The following VGLL4 variants were observed in gnomAD, a reference collection of about 807,000 sequenced individuals.
VGLL4 encodes the protein transcription cofactor vestigial-like protein 4.
Under a neutral mutation model 21.0 loss-of-function variants are expected in VGLL4, and 7 were observed. That is an observed-to-expected ratio of 0.33 (90% CI 0.19 to 0.63). The LOEUF (loss-of-function observed/expected upper bound fraction) is 0.63, where lower values mean the gene tolerates loss of function less well. Ranked by LOEUF, VGLL4 falls within the 20% of genes least tolerant of loss-of-function variation. The pLI is 0.78. For missense variants in VGLL4, 394 were observed against 425.7 expected (o/e 0.93, Z 0.66); for synonymous variants, 222 against 173.2 (o/e 1.28, Z -2.21).
chr3:11,645,007 A>C (rs1391966321), upstream of VGLL4, among the ~76,000 whole-genome samples: 1 of 152,012 alleles, frequency 6.6e-6, no homozygotes, highest in East Asian at 1.9e-4. Context: ...TATGTCACCC[A>C]CCTGTGTGTA....
chr3:11,588,565 G>A lies in VGLL4; in HGVS notation c.272+13268C>T, dbSNP rs566468799. ...CTTCAGAAACCACCTTCTGACACTC[G>A]AGCACCAGTAAGACCAGCCAGGAGG... On this transcript the variant is annotated intron_variant, in intron 2 of 4. Transcript: ENST00000430365. Among the ~76,000 whole-genome samples the A allele has an allele frequency of 1.2e-4, 18 of 152,320 alleles. No homozygotes were observed. In the East Asian group the frequency reaches 2.9e-3, roughly 24 times the overall value.
chr3:11,582,911 G>A (rs58772119), intron 2 of VGLL4, among the ~76,000 whole-genome samples: 1,974 of 152,242 alleles, frequency 0.013, 44 homozygotes, highest in African/African-American at 0.044. Flanking sequence ...TTTCTCTTAG[G>A]ACTCAGGCTG....
intron 2 of VGLL4, among the ~76,000 whole-genome samples, chr3:11,596,444 G>C (rs1347815543): frequency 2.0e-5 from 3 of 152,196 alleles, no homozygotes; most frequent in Non-Finnish European, 2.9e-5. Flanking sequence ...GAAACTACCT[G>C]AAGTGCACTG....
At position 11,592,565 on chromosome 3, in the gene VGLL4, G is replaced by T. The variant is rs1228444048; in HGVS notation, c.272+9268C>A. Among the ~76,000 whole-genome samples the T allele has an allele frequency of 3.3e-5, 5 of 152,334 alleles. No individual in the cohort carries two copies. In the East Asian group the frequency reaches 9.6e-4, roughly 29 times the overall value. On this transcript the variant is annotated intron_variant, in intron 2 of 4. Coordinates refer to ENST00000430365, the MANE Select transcript of VGLL4 (RefSeq NM_001128219.3). Reference sequence around the variant, plus strand: ...CCCCACCTCCCAAATATCCTCAGTAGTGTGTGGTTTGAGAGTGCTTAGGCT... The same window carrying T: ...CCCCACCTCCCAAATATCCTCAGTATTGTGTGGTTTGAGAGTGCTTAGGCT...
At chr3:11,566,147 C>T (rs2073487407) in intron 2 of VGLL4, among the ~76,000 whole-genome samples, 1 of 152,200 alleles carries the variant, frequency 6.6e-6, no homozygotes, top group Non-Finnish European at 1.5e-5. Context: ...GAATATGTTA[C>T]ACACACAATG....
At chr3:11,641,376 T>C (rs139823848) in intron 1 of VGLL4, among the ~76,000 whole-genome samples, 3 of 152,318 alleles carry the variant, frequency 2.0e-5, no homozygotes, top group Non-Finnish European at 4.4e-5. Context: ...CCTGGAATGC[T>C]GGGGAGCTGA....
intron 1 of VGLL4, among the ~76,000 whole-genome samples, chr3:11,624,539 T>C (rs993129884): frequency 2.0e-5 from 3 of 152,182 alleles, no homozygotes; most frequent in Admixed American, 6.5e-5. Context: ...TTTTTTTTAA[T>C]GTTTGCCTCT....
At chr3:11,660,087 G>A (rs576129366) in intron 2 of VGLL4, among the ~76,000 whole-genome samples, 2 of 152,032 alleles carry the variant, frequency 1.3e-5, no homozygotes, top group African/African-American at 2.4e-5. Flanking sequence ...GTGTGAACCC[G>A]GGAGGCGGAG....
At chr3:11,672,785 T>C (rs2076235487) in intron 2 of VGLL4, among the ~76,000 whole-genome samples, 1 of 152,220 alleles carries the variant, frequency 6.6e-6, no homozygotes, top group Non-Finnish European at 1.5e-5. Flanking sequence ...ACTTATGCAT[T>C]TTCTAATAAT....
intron 1 of VGLL4, among the ~76,000 whole-genome samples, chr3:11,606,481 T>C (rs1178042430): frequency 6.6e-6 from 1 of 152,186 alleles, no homozygotes; most frequent in Middle Eastern, 3.2e-3. Flanking sequence ...GCTGGTAGAA[T>C]TGTAAAGTGG....
chr3:11,591,594 T>A (rs2074497752), intron 2 of VGLL4, among the ~76,000 whole-genome samples: 2 of 152,232 alleles, frequency 1.3e-5, no homozygotes, highest in Admixed American at 6.5e-5. Context: ...AGGCCTTTGT[T>A]TTCAGCTCAA....
intron 2 of VGLL4, among the ~76,000 whole-genome samples, chr3:11,594,684 T>C (rs902853827): frequency 2.6e-5 from 4 of 152,226 alleles, no homozygotes; most frequent in African/African-American, 9.6e-5. Flanking sequence ...ACACAAGATA[T>C]TAAAATGCAC....
At chr3:11,692,614 G>A (rs1311275916) in intron 2 of VGLL4, among the ~76,000 whole-genome samples, 4 of 152,038 alleles carry the variant, frequency 2.6e-5, no homozygotes, top group East Asian at 1.9e-4. Flanking sequence ...TGAAGCACTC[G>A]ACTGTCCACA....
intron 2 of VGLL4, among the ~76,000 whole-genome samples, chr3:11,567,296 C>T (rs1236167966): frequency 6.6e-6 from 1 of 152,114 alleles, no homozygotes; most frequent in Non-Finnish European, 1.5e-5. Context: ...CCTCAGTGAG[C>T]GCCAAGAGAA....
intron 1 of VGLL4, among the ~76,000 whole-genome samples, chr3:11,605,438 T>G (rs1433182464): frequency 1.3e-5 from 2 of 151,798 alleles, no homozygotes; most frequent in Non-Finnish European, 2.9e-5. Context: ...CTCATTTTTA[T>G]TCCTAGTATT....
chr3:11,627,539 G>A (rs147343755), intron 1 of VGLL4: 140 of 147,670 alleles, frequency 9.5e-4, no homozygotes, highest in African/African-American at 3.5e-3. Context: ...AGGTTCCAGT[G>A]AGCCAAGATC....
intron 2 of VGLL4, among the ~76,000 whole-genome samples, chr3:11,570,240 A>G (rs975232589): frequency 2.0e-5 from 3 of 151,832 alleles, no homozygotes; most frequent in African/African-American, 7.3e-5. Context: ...CAGGCCCACC[A>G]AGAGACTCTC....
chr3:11,703,036 C>A, exon 2 of VGLL4: 1 of 1,610,210 alleles, frequency 6.2e-7, no homozygotes, highest in Non-Finnish European at 8.5e-7. Flanking sequence ...CGTCTCCATT[C>A]CTGGTTGGAG....
upstream of VGLL4, among the ~76,000 whole-genome samples, chr3:11,645,381 G>A (rs550687727): frequency 3.3e-5 from 5 of 149,666 alleles, no homozygotes; most frequent in African/African-American, 1.2e-4. Flanking sequence ...ATGAGGTCAG[G>A]AGATCGAGAC....
Sources: gnomAD v4.1 joint callset for allele counts (sites outside exome capture counted in the v4.1 genomes callset) on GRCh38, gnomAD v4.1.1 for gene constraint, MANE v1.5 for transcripts, NCBI Gene and HGNC (gene_info 2026-07-23, HGNC 2026-07-21) for gene names.